TRPC4: variants seen among roughly 807,000 people sequenced by gnomAD.
TRPC4 encodes short transient receptor potential channel 4.
A neutral mutation model predicts 99.4 loss-of-function variants in TRPC4; 49 were observed. The ratio of observed to expected loss-of-function variants is 0.49; its 90% confidence interval spans 0.39 to 0.63. The LOEUF is 0.63. TRPC4 is among the 20% of genes least tolerant of loss of function. TRPC4 has a pLI of 0.00. For synonymous variants in TRPC4, 454 were observed against 425.9 expected, an observed-to-expected ratio of 1.07 and a Z score of -0.81; for missense variants, 898 against 1,152.9, an observed-to-expected ratio of 0.78 and a Z score of 3.20.
chr13:37,650,092 T>A (rs527551099), intron 8 of TRPC4, among the ~76,000 whole-genome samples: 2 of 152,232 alleles, frequency 1.3e-5, no homozygotes, highest in Non-Finnish European at 2.9e-5. Flanking sequence ...TCAATGCCAC[T>A]GCCAGTAGGA....
chr13:37,746,575 T>A (rs1955792247), intron 2 of TRPC4, 120 bp from the exon 3 acceptor site: 2 of 1,176,832 alleles, frequency 1.7e-6, no homozygotes, highest in Non-Finnish European at 2.3e-6. Context: ...GGGTTTTTTT[T>A]TTTTTGTAGG....
At chr13:37,698,486 A>G (rs1405547168) in intron 3 of TRPC4, among the ~76,000 whole-genome samples, 1 of 151,868 alleles carries the variant, frequency 6.6e-6, no homozygotes, top group Non-Finnish European at 1.5e-5. Context: ...ATAATGTGGG[A>G]CAGTCTTCTA....
chr13:37,734,944 A>G (rs1052904876), intron 3 of TRPC4, among the ~76,000 whole-genome samples: 2 of 152,234 alleles, frequency 1.3e-5, no homozygotes, highest in Middle Eastern at 3.4e-3. Flanking sequence ...CGTGTTCCCT[A>G]ACACTCCAAA....
intron 2 of TRPC4, among the ~76,000 whole-genome samples, chr13:37,765,940 G>T (rs542127141): frequency 6.6e-6 from 1 of 150,778 alleles, no homozygotes; most frequent in South Asian, 2.1e-4. Flanking sequence ...ATAAAAACAA[G>T]TCCTTTAGAG....
chr13:37,849,791 C>T (rs1464256245), intron 1 of TRPC4, among the ~76,000 whole-genome samples: 1 of 152,156 alleles, frequency 6.6e-6, no homozygotes, highest in Non-Finnish European at 1.5e-5. Flanking sequence ...GTGTTGGGAG[C>T]CAATCATGGT....
At chr13:37,786,607 T>C (rs981621627) in intron 1 of TRPC4, among the ~76,000 whole-genome samples, 3 of 152,110 alleles carry the variant, frequency 2.0e-5, no homozygotes, top group Middle Eastern at 3.2e-3. Flanking sequence ...AGAAAGGCTA[T>C]TAAAGAACAG....
rs1955422020 is a variant in TRPC4, at chr13:37,737,179, A to G, written c.897+8758T>C. 2.6e-5 allele frequency among the ~76,000 whole-genome samples: 4 copies of G among 151,790 alleles called. No homozygotes were observed. The South Asian group carries it at 8.3e-4, about 32-fold the overall frequency. ...ATAGTGGAATCTTGTATTTTTCTGC[A>G]TATGCTTATCCTTTTATATTGGGGA... On this transcript the variant is annotated intron_variant, in intron 3 of 10. Coordinates refer to ENST00000379705, the MANE Select transcript of TRPC4 (RefSeq NM_016179.4).
chr13:37,807,332 G>A (rs903684058), intron 1 of TRPC4, among the ~76,000 whole-genome samples: 1 of 151,982 alleles, frequency 6.6e-6, no homozygotes, highest in Non-Finnish European at 1.5e-5. Context: ...ATTAGAAATA[G>A]ATCATAATTA....
intron 5 of TRPC4, among the ~76,000 whole-genome samples, chr13:37,664,400 C>A (rs888746917): frequency 6.6e-6 from 1 of 151,776 alleles, no homozygotes; most frequent in Non-Finnish European, 1.5e-5. Context: ...ATGGAGAAAC[C>A]CCGTCTCTAC....
chr13:37,720,714 T>C (rs1462354945), intron 3 of TRPC4, among the ~76,000 whole-genome samples: 1 of 152,192 alleles, frequency 6.6e-6, no homozygotes, highest in African/African-American at 2.4e-5. Context: ...CAGGAGTATA[T>C]TTATTTTTCA....
At chr13:37,674,653 A>T (rs1248066399) in intron 4 of TRPC4, among the ~76,000 whole-genome samples, 1 of 152,196 alleles carries the variant, frequency 6.6e-6, no homozygotes, top group Non-Finnish European at 1.5e-5. Context: ...TAGCTCCTTT[A>T]TAACTATATA....
At chr13:37,860,860 C>T (rs890400832) in intron 1 of TRPC4, among the ~76,000 whole-genome samples, 15 of 151,292 alleles carry the variant, frequency 9.9e-5, no homozygotes, top group Admixed American at 9.9e-4. Context: ...ATTGAAGAAA[C>T]AAAGGGTATG....
chr13:37,768,511 G>C (rs1384670598), intron 2 of TRPC4, among the ~76,000 whole-genome samples: 1 of 102,146 alleles, frequency 9.8e-6, no homozygotes, highest in Non-Finnish European at 2.4e-5. Context: ...AAATTCATGG[G>C]AGGAGAAAGA....
At chr13:37,781,388 C>A (rs972135447) in intron 2 of TRPC4, among the ~76,000 whole-genome samples, 1 of 151,926 alleles carries the variant, frequency 6.6e-6, no homozygotes, top group Non-Finnish European at 1.5e-5. Flanking sequence ...AATGCAAATA[C>A]TTGAGAGGTA....
chr13:37,792,558 T>C (rs1157273563), intron 1 of TRPC4, among the ~76,000 whole-genome samples: 1 of 152,032 alleles, frequency 6.6e-6, no homozygotes, highest in Non-Finnish European at 1.5e-5. Context: ...TAAGAAGAAA[T>C]GTGGGTGAGG....
At chr13:37,800,935 T>G (rs1957385552) in intron 1 of TRPC4, among the ~76,000 whole-genome samples, 1 of 152,050 alleles carries the variant, frequency 6.6e-6, no homozygotes, top group South Asian at 2.1e-4. Flanking sequence ...TAAAATATTT[T>G]AAAGAAAATA....
At chr13:37,767,196 G>A (rs1054445195) in intron 2 of TRPC4, among the ~76,000 whole-genome samples, 5 of 151,126 alleles carry the variant, frequency 3.3e-5, no homozygotes, top group African/African-American at 1.2e-4. Flanking sequence ...TGTCCAAGCA[G>A]TATAGTCCTT....
chr13:37,683,716 C>T (rs1368511701), intron 4 of TRPC4, among the ~76,000 whole-genome samples: 3 of 152,112 alleles, frequency 2.0e-5, no homozygotes, highest in East Asian at 1.9e-4. Flanking sequence ...CATTCCCCAT[C>T]GTCCCTAAAG....
chr13:37,684,401 A>C (rs1953383358), intron 4 of TRPC4, among the ~76,000 whole-genome samples: 1 of 152,176 alleles, frequency 6.6e-6, no homozygotes, highest in African/African-American at 2.4e-5. Flanking sequence ...TGTTAGTTTC[A>C]GAGTAAGAGT....
Sources: gnomAD v4.1 joint callset for allele counts (sites outside exome capture counted in the v4.1 genomes callset) on GRCh38, gnomAD v4.1.1 for gene constraint, MANE v1.5 for transcripts, NCBI Gene and HGNC (gene_info 2026-07-23, HGNC 2026-07-21) for gene names.